NTMT1: variants seen among roughly 807,000 people sequenced by gnomAD.
NTMT1 encodes N-terminal RCC1 methyltransferase.
In NTMT1, 8 loss-of-function variants were observed where a neutral mutation model predicts 17.5. That is an observed-to-expected ratio of 0.46 (90% CI 0.27 to 0.82). The LOEUF is 0.82. Among genes scored for constraint, NTMT1 ranks in the 40% least tolerant of loss-of-function variants. The pLI is 0.15. For synonymous variants in NTMT1, 128 were observed against 126.8 expected, an observed-to-expected ratio of 1.01 and a Z score of -0.06; for missense variants, 221 against 303.5, an observed-to-expected ratio of 0.73 and a Z score of 2.02.
rs187872989 is a variant in NTMT1 at position 129,635,624 on chromosome 9, C to T, written c.*160C>T. On this transcript the variant is annotated 3_prime_UTR_variant, in exon 4 of 4. Coordinates refer to ENST00000372483, the MANE Select transcript of NTMT1 (RefSeq NM_014064.4). ...ATTATGCGGGCTCTTCTTCAAAAGGCAAGGTGGGACCCGGCGGGGAGGGTG... is the reference window on the plus strand; with the variant it reads ...ATTATGCGGGCTCTTCTTCAAAAGGTAAGGTGGGACCCGGCGGGGAGGGTG... 1 of 906,272 alleles carries T rather than the reference C, an allele frequency of 1.1e-6. No individual in the cohort carries two copies. Among genetic ancestry groups the T allele is most frequent in the African/African-American group, 1.7e-5 (1 of 60,412 alleles). 56.1% of individuals were successfully genotyped at this position (906,272 alleles called of 1,614,324 possible). A position where few individuals can be genotyped will look rare whatever the true frequency, so the allele number is the denominator to read the frequency against.
chr9:129,632,927 T>C (rs1371477996), intron 2 of NTMT1, 62 bp downstream of exon 2: 3 of 1,561,302 alleles, frequency 1.9e-6, no homozygotes, highest in East Asian at 2.2e-5. Context: ...GCCGAGTCCA[T>C]GTGGGGTGCC....
intron 3 of NTMT1, 92 bp downstream of exon 3, chr9:129,634,398 G>C (rs1308760254): frequency 1.4e-6 from 2 of 1,455,032 alleles, no homozygotes; most frequent in African/African-American, 2.8e-5. Flanking sequence ...TTGCACTCCT[G>C]CAGCAAGTGG....
Position 129,620,884 on chromosome 9 carries a change from A to G in NTMT1, c.-55+11706A>G. 3.2e-6 allele frequency: 1 copy of G among 310,698 alleles called. No homozygotes were observed. The highest frequency in any genetic ancestry group is 5.9e-6 in the Non-Finnish European group (1 of 170,428). 19.2% of individuals were successfully genotyped at this position (310,698 alleles called of 1,614,324 possible). ...CGGTACAGTGCCAGGCACGCTGGCC[A>G]AGCTTACACATAGACTAGCTGCCAT... is the stretch of plus-strand genomic sequence containing the variant. On this transcript the variant is annotated intron_variant, in intron 1 of 3. Coordinates refer to the NTMT1 transcript ENST00000372486. The surrounding 1 kb of genome is among the most constrained non-coding windows in gnomAD (Gnocchi z 5.8).
At chr9:129,634,967 C>T (rs1355357800) in intron 3 of NTMT1, 12 of 540,066 alleles carry the variant, frequency 2.2e-5, no homozygotes, top group Middle Eastern at 4.9e-4. Flanking sequence ...ACTTGTAAGC[C>T]ATCCCGTCAA....
At chr9:129,610,188 G>C (rs1173896571) in intron 1 of NTMT1, among the ~76,000 whole-genome samples, 1 of 117,166 alleles carries the variant, frequency 8.5e-6, no homozygotes, top group African/African-American at 3.3e-5. Flanking sequence ...CCACAGGGGA[G>C]GGGGGAGGAG....
Position 129,635,582 on chromosome 9 carries a change from C to T in NTMT1, c.*118C>T, listed in dbSNP as rs1831505429. 2 of 1,226,662 alleles carry T rather than the reference C, an allele frequency of 1.6e-6. No individual in the cohort carries two copies. Among genetic ancestry groups the T allele is most frequent in the East Asian group, 2.3e-5 (1 of 42,582 alleles). The allele number at this position is 1,226,662 out of a possible 1,614,324, so 76.0% of individuals were successfully genotyped here. On this transcript the variant is annotated 3_prime_UTR_variant, in exon 4 of 4. Coordinates refer to ENST00000372483, the MANE Select transcript of NTMT1 (RefSeq NM_014064.4). ...AGTGTCGAGGCACCACTAAATATAG[C>T]TGTCTGCCGTCCACTCATTATGCGG... is the stretch of plus-strand genomic sequence containing the variant.
chr9:129,631,371 C>G (rs1053694805), intron 1 of NTMT1, among the ~76,000 whole-genome samples: 1 of 152,244 alleles, frequency 6.6e-6, no homozygotes, highest in African/African-American at 2.4e-5. Flanking sequence ...TTGGTGACAG[C>G]ACTGTGCCTT....
intron 3 of NTMT1, 91 bp downstream of exon 3, chr9:129,634,397 T>G (rs1831388009): frequency 6.9e-7 from 1 of 1,458,752 alleles, no homozygotes; most frequent in Non-Finnish European, 9.2e-7. Context: ...TTTGCACTCC[T>G]GCAGCAAGTG....
chr9:129,623,823 C>CTTTTTTTTTTTTTTT (rs746654555), upstream of NTMT1, among the ~76,000 whole-genome samples: 36 of 107,798 alleles, frequency 3.3e-4, 4 homozygotes, highest in African/African-American at 5.4e-4. Flanking sequence ...TTTTTCTTTT[C>CTTTTTTTTTTTTTTT]TTTTCTTTTT....
chr9:129,614,905 A>C lies in NTMT1; in HGVS notation c.-55+5727A>C, dbSNP rs1588112730. Among the ~76,000 whole-genome samples the C allele has an allele frequency of 6.6e-6, 1 of 150,970 alleles. No individual in the cohort carries two copies. Among genetic ancestry groups the C allele is most frequent in the Admixed American group, 6.6e-5 (1 of 15,156 alleles). ...CGACAGAGTGAGACTCCGTATCAGAAAAAAAAAAAGAAAAAGAAAACTCAC... is the reference window on the plus strand; with the variant it reads ...CGACAGAGTGAGACTCCGTATCAGACAAAAAAAAAGAAAAAGAAAACTCAC... On this transcript the variant is annotated intron_variant, in intron 1 of 3. Transcript: ENST00000372486. The surrounding 1 kb of genome is among the most constrained non-coding windows in gnomAD (Gnocchi z 4.4).
intron 1 of NTMT1, among the ~76,000 whole-genome samples, chr9:129,618,956 C>T (rs1410451959): frequency 4.0e-5 from 6 of 151,488 alleles, no homozygotes; most frequent in South Asian, 4.2e-4. Flanking sequence ...CCTCGTGATC[C>T]GCCCACCTCA....
At position 129,635,357 on chromosome 9, in the gene NTMT1, G is replaced by A. The variant is rs371201800; in HGVS notation, c.565G>A (p.Val189Met). ...CAGCAGCGTGTGCCGGGACCTTGAC[G>A]TGGTCCGCAGGATCATCTGCAGTGC... ...VDSSVCRDLD[V>M]VRRIICSAGL... Residue 189 changes from valine (V) to methionine (M), a missense_variant, in exon 4 of 4, where the codon GTG becomes ATG. Physicochemically the swap from Val to Met is conservative, Grantham distance 21. Coordinates refer to ENST00000372483, the MANE Select transcript of NTMT1 (RefSeq NM_014064.4). 1.2e-4 allele frequency: 198 copies of A among 1,613,722 alleles called. No individual in the cohort carries two copies. The highest frequency in any genetic ancestry group is 1.6e-4 in the Non-Finnish European group (186 of 1,180,044).
In NTMT1 at chr9:129,613,399, T is replaced by C. The variant is rs1443921957; in HGVS notation, c.-55+4221T>C. 5 of 1,605,548 alleles carry C rather than the reference T, an allele frequency of 3.1e-6. No individual in the cohort carries two copies. Among genetic ancestry groups the C allele is most frequent in the Non-Finnish European group, 4.3e-6 (5 of 1,174,368 alleles). ...CAAGGGGGGTGGAGGGCCCTGGCAATGTCCACGAGTCCCATCCGCTTCCCT... is the reference window on the plus strand; with the variant it reads ...CAAGGGGGGTGGAGGGCCCTGGCAACGTCCACGAGTCCCATCCGCTTCCCT... On this transcript the variant is annotated intron_variant, in intron 1 of 3. Transcript: ENST00000372486. The surrounding 1 kb of genome is among the most constrained non-coding windows in gnomAD (Gnocchi z 6.2).
intron 2 of NTMT1, chr9:129,633,328 T>C (rs1033240943): frequency 3.7e-6 from 1 of 273,892 alleles, no homozygotes; most frequent in African/African-American, 2.2e-5. Flanking sequence ...TGGCTGGCAC[T>C]GGAGGCTGCT....
chr9:129,634,905 C>T (rs1035179659), intron 3 of NTMT1: 11 of 389,294 alleles, frequency 2.8e-5, no homozygotes, highest in East Asian at 5.3e-5. Context: ...TTCACTCCTC[C>T]GATCCAAGCC....
chr9:129,634,140 G>A lies in NTMT1; in HGVS notation c.249G>A (p.Leu83=). Residue 83 remains leucine, a synonymous_variant, in exon 3 of 4, where the codon CTG becomes CTA. Transcript: ENST00000372483. The part of the protein sequence containing the change: ...GRITKRLLLP[L]FREVDMVDIT... ...TCACCAAGCGGCTGCTCCTGCCGCT[G>A]TTCAGAGAGGTGGATATGGTCGACA... The A allele has an allele frequency of 6.2e-7, 1 of 1,614,230 alleles. No homozygotes were observed. Among genetic ancestry groups the A allele is most frequent in the Non-Finnish European group, 8.5e-7 (1 of 1,180,038 alleles).
At position 129,635,554 on chromosome 9, in the gene NTMT1, G is replaced by A. The variant is rs183816323; in HGVS notation, c.*90G>A. ...GATCCAGGCGCCACGCTGGCGGTTC[G>A]TGAGTGTCGAGGCACCACTAAATAT... On this transcript the variant is annotated 3_prime_UTR_variant, in exon 4 of 4. Transcript: ENST00000372483. 79 of 1,456,314 alleles carry A rather than the reference G, an allele frequency of 5.4e-5. No individual in the cohort carries two copies. Among genetic ancestry groups the A allele is most frequent in the Admixed American group, 1.4e-4 (7 of 50,730 alleles). 90.2% of individuals were successfully genotyped at this position (1,456,314 alleles called of 1,614,324 possible). A position where few individuals can be genotyped will look rare whatever the true frequency, so the allele number is the denominator to read the frequency against.
chr9:129,635,387 C>G lies in NTMT1; in HGVS notation c.595C>G (p.Leu199Val). 6.2e-7 allele frequency: 1 copy of G among 1,613,742 alleles called. No individual in the cohort carries two copies. The highest frequency in any genetic ancestry group is 1.7e-5 in the Admixed American group (1 of 60,024). ...VVRRIICSAG[L>V]SLLAEERQEN... ...CCGCAGGATCATCTGCAGTGCAGGC[C>G]TCAGCCTCCTGGCCGAGGAGAGGCA... The change falls in exon 4 of 4, where the codon CTC becomes GTC. Residue 199 changes from leucine to valine, a missense_variant. Physicochemically the swap from Leu to Val is conservative, Grantham distance 32 (BLOSUM62 1). Transcript: ENST00000372483.
chr9:129,619,493 C>T (rs1010306445), intron 1 of NTMT1: 2 of 1,546,326 alleles, frequency 1.3e-6, no homozygotes, highest in Middle Eastern at 1.7e-4. Flanking sequence ...CCTCCACTAC[C>T]CTACCCTTAT....
Sources: allele counts gnomAD v4.1 joint callset (sites outside exome capture counted in the v4.1 genomes callset), GRCh38; gene constraint gnomAD v4.1.1; non-coding constraint Gnocchi (gnomAD v3.1); transcripts MANE v1.5; gene names NCBI Gene and HGNC (gene_info 2026-07-23, HGNC 2026-07-21).